Variants in CCDC81 observed in about 807,000 individuals in gnomAD.
CCDC81 encodes the protein coiled-coil domain-containing protein 81.
A neutral mutation model predicts 83.7 loss-of-function variants in CCDC81; 79 were observed. The observed-to-expected ratio is 0.94, with a 90% CI of 0.79 to 1.14. CCDC81 has a LOEUF of 1.14. Among genes scored for constraint, CCDC81 ranks in the 50% most tolerant of loss-of-function variants. CCDC81 has a pLI of 0.00. For synonymous variants in CCDC81, 252 were observed against 278.1 expected, an observed-to-expected ratio of 0.91 and a Z score of 0.93; for missense variants, 791 against 778.1, an observed-to-expected ratio of 1.02 and a Z score of -0.20.
At chr11:86,400,867 G>T (rs901504331) in intron 7 of CCDC81, 66 bp downstream of exon 7, 52 of 1,454,328 alleles carry the variant, frequency 3.6e-5, no homozygotes, top group Non-Finnish European at 4.8e-5. Context: ...GTTGCTTGAT[G>T]CGGGGAACTG....
intron 3 of CCDC81, among the ~76,000 whole-genome samples, chr11:86,388,950 G>A (rs567110833): frequency 2.0e-5 from 3 of 152,222 alleles, no homozygotes; most frequent in African/African-American, 7.2e-5. Flanking sequence ...GGCAATTTCA[G>A]AATTAGACAT....
chr11:86,392,385 A>G (rs547455051), intron 3 of CCDC81, among the ~76,000 whole-genome samples, 156 bp from the exon 4 acceptor site: 1 of 152,368 alleles, frequency 6.6e-6, no homozygotes, highest in South Asian at 2.1e-4. Flanking sequence ...AATTGTCTGC[A>G]GTAATAATAT....
Position 86,397,715 on chromosome 11 carries a change from C to T in CCDC81, c.730C>T (p.Gln244Ter). 3 of 1,613,748 alleles carry T rather than the reference C, an allele frequency of 1.9e-6. No individual in the cohort carries two copies. The highest frequency in any genetic ancestry group is 1.7e-6 in the Non-Finnish European group (2 of 1,179,854). ...AGAAAGGAAGTGCAAGTTAAAAGAC[C>T]AGTCAGACAAAGAAGAAGGCACCAG... ...NRERKCKLKD[Q>*]SDKEEGTRDI... Residue 244 changes from glutamine to a stop codon, truncating the protein, a stop_gained, in exon 6 of 15, where the codon CAG (glutamine) becomes TAG (stop). Transcript: ENST00000445632. LOFTEE classifies it high-confidence loss of function.
Position 86,422,604 on chromosome 11 carries a change from G to C in CCDC81, c.1848G>C (p.Gln616His), listed in dbSNP as rs2138550242. 1 of 1,613,972 alleles carries C rather than the reference G, an allele frequency of 6.2e-7. No individual in the cohort carries two copies. The highest frequency in any genetic ancestry group is 8.5e-7 in the Non-Finnish European group (1 of 1,179,896). Reference sequence around the variant, plus strand: ...CAGACAAGCTGTTTCTCCTAGACCAGTGTGAGAAGTATCGGCGCTGCAAGC... The same window carrying C: ...CAGACAAGCTGTTTCTCCTAGACCACTGTGAGAAGTATCGGCGCTGCAAGC... The part of the protein sequence containing the change: ...RASDKLFLLD[Q>H]CEKYRRCKQC... The change falls in exon 15 of 15, where the codon CAG becomes CAC. Residue 616 changes from glutamine (Q) to histidine (H), a missense_variant. By Grantham distance (24) the Gln-to-His change is conservative. Transcript: ENST00000445632.
At chr11:86,391,953 T>G (rs1024956372) in intron 3 of CCDC81, among the ~76,000 whole-genome samples, 1 of 151,952 alleles carries the variant, frequency 6.6e-6, no homozygotes. Context: ...AGAGGGAGGA[T>G]GGAGGGAGGT....
At chr11:86,383,319 G>A (rs1948198190) in intron 1 of CCDC81, among the ~76,000 whole-genome samples, 1 of 152,100 alleles carries the variant, frequency 6.6e-6, no homozygotes, top group Admixed American at 6.6e-5. Flanking sequence ...CCATATATCA[G>A]TATTTTAATT....
chr11:86,383,179 G>T (rs1486920369), intron 1 of CCDC81, among the ~76,000 whole-genome samples: 3 of 152,146 alleles, frequency 2.0e-5, no homozygotes, highest in Non-Finnish European at 2.9e-5. Context: ...TGTGAACTGG[G>T]TAAAAGTTGA....
At chr11:86,403,963 C>G (rs148020617) in intron 7 of CCDC81, among the ~76,000 whole-genome samples, 1,673 of 152,076 alleles carry the variant, frequency 0.011, 79 homozygotes, top group Admixed American at 0.086. Flanking sequence ...GAGAAGATGG[C>G]ACCATTATTC....
At chr11:86,396,579 G>C (rs931260864) in intron 5 of CCDC81, among the ~76,000 whole-genome samples, 6 of 152,068 alleles carry the variant, frequency 3.9e-5, no homozygotes, top group African/African-American at 1.4e-4. Context: ...TGTTGCTTTG[G>C]AACAACCCCC....
chr11:86,407,840 T>C, intron 8 of CCDC81, 139 bp downstream of exon 8: 1 of 692,122 alleles, frequency 1.4e-6, no homozygotes, highest in Non-Finnish European at 2.5e-6. Context: ...AAAACTAGAC[T>C]GTGATAAATC....
chr11:86,390,564 G>A (rs752730850), intron 3 of CCDC81, among the ~76,000 whole-genome samples: 42 of 152,180 alleles, frequency 2.8e-4, no homozygotes, highest in Non-Finnish European at 7.3e-5. Flanking sequence ...AGTTACAGTA[G>A]TTTGGTAAAA....
chr11:86,397,315 T>C (rs1265715995), intron 5 of CCDC81, among the ~76,000 whole-genome samples: 1 of 152,122 alleles, frequency 6.6e-6, no homozygotes, highest in Non-Finnish European at 1.5e-5. Flanking sequence ...GTTAAAGAAG[T>C]AGGATATAAA....
rs965642853 is a variant in CCDC81, at chr11:86,374,973, T to C, written c.-191T>C. 2 of 603,216 alleles carry C rather than the reference T, an allele frequency of 3.3e-6. No individual in the cohort carries two copies. The highest frequency in any genetic ancestry group is 3.7e-5 in the African/African-American group (2 of 54,046). The allele number at this position is 603,216 out of a possible 1,614,324, so 37.4% of individuals were successfully genotyped here. A position where few individuals can be genotyped will look rare whatever the true frequency, so the allele number is the denominator to read the frequency against. ...AGTGGGGAGGGACGGCGAGAACCAA[T>C]GTTTAAGTTTATTTAAGAAAGAAGA... is the stretch of plus-strand genomic sequence containing the variant. On this transcript the variant is annotated 5_prime_UTR_variant, in exon 1 of 15. It removes an upstream start codon present in the reference 5' UTR. Transcript: ENST00000445632.
Position 86,415,276 on chromosome 11 carries a change from A to T in CCDC81, c.1654A>T (p.Arg552Trp). The T allele has an allele frequency of 6.2e-7, 1 of 1,614,188 alleles. No individual in the cohort carries two copies. The highest frequency in any genetic ancestry group is 8.5e-7 in the Non-Finnish European group (1 of 1,180,034). The change falls in exon 13 of 15, where the codon AGG (arginine) becomes TGG (tryptophan). Residue 552 changes from arginine to tryptophan, a missense_variant. Transcript: ENST00000445632. ...CATCCTGCATCAACTAGTGGACCAG[A>T]GGCGGGATTTGCAAATGCTTCAGAG... ...KAILHQLVDQ[R>W]RDLQMLQRTQ...
chr11:86,411,943 C>A (rs1260116765), intron 10 of CCDC81, among the ~76,000 whole-genome samples: 1 of 152,186 alleles, frequency 6.6e-6, no homozygotes, highest in African/African-American at 2.4e-5. Flanking sequence ...ATGAGCCAGG[C>A]CCCTCCATTG....
rs1174782502 is a variant in CCDC81, at chr11:86,392,523, C to T, written c.299-18C>T. On this transcript the variant is annotated intron_variant, in intron 3 of 14. Transcript: ENST00000445632. ...CACCACTTTCTTTCTCCCACCCCAA[C>T]TGTCTTTTCTCCTTTAGGTGAAATC... is the stretch of plus-strand genomic sequence containing the variant. The T allele has an allele frequency of 6.5e-7, 1 of 1,547,312 alleles. No homozygotes were observed. The highest frequency in any genetic ancestry group is 8.7e-7 in the Non-Finnish European group (1 of 1,144,072).
At chr11:86,412,364 G>A in intron 10 of CCDC81, 23 bp from the exon 11 acceptor site, 1 of 1,545,860 alleles carries the variant, frequency 6.5e-7, no homozygotes, top group East Asian at 2.3e-5. Context: ...TAGCATAAAT[G>A]AATTGCTTCT....
rs1041586103 is a variant in CCDC81 at position 86,378,738 on chromosome 11, C to T, written c.79+3496C>T. ...ATTATGTAATGCTCTTTATTTCTGA[C>T]AACTCTCCTTGATTTGAAGTCTGTT... On this transcript the variant is annotated intron_variant, in intron 1 of 14. Transcript: ENST00000445632. 2.6e-5 allele frequency among the ~76,000 whole-genome samples: 4 copies of T among 152,298 alleles called. No homozygotes were observed. In the South Asian group the frequency reaches 8.3e-4, roughly 32 times the overall value.
intron 1 of CCDC81, among the ~76,000 whole-genome samples, chr11:86,379,353 C>T (rs1243430825): frequency 6.6e-6 from 1 of 152,120 alleles, no homozygotes; most frequent in African/African-American, 2.4e-5. Flanking sequence ...ACCCCAGCCT[C>T]CCAAAGTGCT....
Sources: gnomAD v4.1 joint callset for allele counts (sites outside exome capture counted in the v4.1 genomes callset) on GRCh38, gnomAD v4.1.1 for gene constraint, MANE v1.5 for transcripts, NCBI Gene and HGNC (gene_info 2026-07-23, HGNC 2026-07-21) for gene names.